The following KRT80 variants were observed in gnomAD, a reference collection of about 807,000 sequenced individuals.
KRT80 encodes the protein keratin 80.
A neutral mutation model predicts 51.5 loss-of-function variants in KRT80; 36 were observed. The ratio of observed to expected loss-of-function variants is 0.70; its 90% CI spans 0.54 to 0.92. The LOEUF (loss-of-function observed/expected upper bound fraction) is 0.92. Ranked by LOEUF, KRT80 falls within the 40% of genes least tolerant of loss-of-function variation. The pLI is 0.00. For synonymous variants in KRT80, 235 were observed against 248.3 expected, an observed-to-expected ratio of 0.95 and a Z score of 0.50; for missense variants, 566 against 591.7, an observed-to-expected ratio of 0.96 and a Z score of 0.45.
At position 52,173,724 on chromosome 12, in the gene KRT80, A is replaced by G; in HGVS notation, c.707T>C (p.Val236Ala). ...GCAGCGGCTGTCCATGCCGACGGTC[A>G]CCGACACATCCTTCACCTGTGCTGC... is the stretch of plus-strand genomic sequence containing the variant. ...DLAAQVKDVSVTVGMDSRCHI... is the reference protein window; with the variant it reads ...DLAAQVKDVSATVGMDSRCHI... The change falls in exon 5 of 9, where the codon GTG (valine) becomes GCG (alanine). Residue 236 changes from valine (V) to alanine (A), a missense_variant. Val to Ala is a moderately conservative substitution (Grantham distance 64). Transcript: ENST00000394815. The G allele has an allele frequency of 6.2e-7, 1 of 1,612,282 alleles. No individual in the cohort carries two copies. The highest frequency in any genetic ancestry group is 8.5e-7 in the Non-Finnish European group (1 of 1,180,006).
chr12:52,175,932 C>T (rs1941211189), intron 4 of KRT80, among the ~76,000 whole-genome samples: 1 of 152,152 alleles, frequency 6.6e-6, no homozygotes, highest in South Asian at 2.1e-4. Context: ...AGCTTTGAGG[C>T]TGTTTTGGTT....
chr12:52,171,805 G>T, intron 7 of KRT80, 92 bp from the exon 8 acceptor site: 2 of 883,398 alleles, frequency 2.3e-6, no homozygotes, highest in Non-Finnish European at 3.6e-6. Flanking sequence ...GGCAAGTGGA[G>T]GGTAGTTCTT....
At chr12:52,175,587 G>A (rs538025013) in intron 4 of KRT80, among the ~76,000 whole-genome samples, 1 of 152,206 alleles carries the variant, frequency 6.6e-6, no homozygotes, top group South Asian at 2.1e-4. Context: ...TCCGGGAACT[G>A]ACTCTGCCCA....
chr12:52,184,557 C>T (rs571121263), intron 2 of KRT80, among the ~76,000 whole-genome samples: 1 of 152,348 alleles, frequency 6.6e-6, no homozygotes, highest in South Asian at 2.1e-4. Context: ...CAACTTCCTC[C>T]TCAGGTTAGA....
At chr12:52,178,401 T>G (rs1941267821) in intron 4 of KRT80, among the ~76,000 whole-genome samples, 1 of 152,238 alleles carries the variant, frequency 6.6e-6, no homozygotes, top group Non-Finnish European at 1.5e-5. Flanking sequence ...TTCTTTCTTT[T>G]TCTTTAATCG....
intron 2 of KRT80, among the ~76,000 whole-genome samples, chr12:52,183,270 C>T (rs1217189212): frequency 6.6e-6 from 1 of 152,258 alleles, no homozygotes; most frequent in African/African-American, 2.4e-5. Flanking sequence ...TCCCAATCCT[C>T]TGCCAGTCTG....
At position 52,185,526 on chromosome 12, in the gene KRT80, T is replaced by C. The variant is rs769881217; in HGVS notation, c.362A>G (p.Gln121Arg). 6.8e-6 allele frequency: 11 copies of C among 1,613,394 alleles called. No homozygotes were observed. In the South Asian group the frequency reaches 1.2e-4, roughly 18 times the overall value. Residue 121 changes from glutamine (Q) to arginine (R), a missense_variant, in exon 2 of 9, where the codon CAG becomes CGG. Gln to Arg is a conservative substitution (Grantham distance 43). Transcript: ENST00000394815. ...CCCGAGGTCGAAGATGGCTGAGTCCTGGCCCTGCAGGAAGCTCCAGCGTGT... is the reference window on the plus strand; with the variant it reads ...CCCGAGGTCGAAGATGGCTGAGTCCCGGCCCTGCAGGAAGCTCCAGCGTGT... The part of the protein sequence containing the change: ...LETRWSFLQG[Q>R]DSAIFDLGHL...
intron 4 of KRT80, among the ~76,000 whole-genome samples, chr12:52,179,417 G>C (rs567425895): frequency 1.5e-4 from 23 of 152,336 alleles, no homozygotes; most frequent in South Asian, 1.5e-3. Context: ...TCAGGGCTGT[G>C]GGGAGAGCGG....
At chr12:52,181,371 C>T (rs1230822578) in intron 2 of KRT80, among the ~76,000 whole-genome samples, 1 of 152,196 alleles carries the variant, frequency 6.6e-6, no homozygotes, top group Non-Finnish European at 1.5e-5. Context: ...GCTCACACCT[C>T]ACCTCTCCCA....
At chr12:52,183,826 C>G (rs938379007) in intron 2 of KRT80, among the ~76,000 whole-genome samples, 4 of 152,238 alleles carry the variant, frequency 2.6e-5, no homozygotes, top group Non-Finnish European at 4.4e-5. Context: ...AGGACAAGCC[C>G]TGCCCTTTCA....
In KRT80 at chr12:52,171,390, C is replaced by T; in HGVS notation, c.*8G>A. ...GGAGTGCCCTGGGGTTCCTGGGGTCCAGCCGCCTTACTCTGAGACCTCCGA... is the reference window on the plus strand; with the variant it reads ...GGAGTGCCCTGGGGTTCCTGGGGTCTAGCCGCCTTACTCTGAGACCTCCGA... On this transcript the variant is annotated 3_prime_UTR_variant, in exon 9 of 9. Coordinates refer to ENST00000394815, the MANE Select transcript of KRT80 (RefSeq NM_182507.3). 1 of 1,568,042 alleles carries T rather than the reference C, an allele frequency of 6.4e-7. No homozygotes were observed. Among genetic ancestry groups the T allele is most frequent in the Non-Finnish European group, 8.6e-7 (1 of 1,157,138 alleles).
rs182194751 is a variant in KRT80 at position 52,176,284 on chromosome 12, C to T, written c.667-2520G>A. 5.9e-5 allele frequency among the ~76,000 whole-genome samples: 9 copies of T among 152,244 alleles called. No homozygotes were observed. In the East Asian group the frequency reaches 9.7e-4, roughly 16 times the overall value. On this transcript the variant is annotated intron_variant, in intron 4 of 8. Coordinates refer to ENST00000394815, the MANE Select transcript of KRT80 (RefSeq NM_182507.3). ...AATGGGATGGGACCCCTGGAGAGCA[C>T]GTGAGCCTCCAAATGGTTAAGAATT...
chr12:52,185,792 G>A, intron 1 of KRT80: 1 of 1,116,594 alleles, frequency 9.0e-7, no homozygotes, highest in Non-Finnish European at 1.2e-6. Flanking sequence ...CAGGATCAGA[G>A]CAAGGTGGAG....
chr12:52,174,112 A>G (rs1409239534), intron 4 of KRT80, among the ~76,000 whole-genome samples: 1 of 152,244 alleles, frequency 6.6e-6, no homozygotes, highest in Admixed American at 6.5e-5. Context: ...AAAGGGCCAG[A>G]GAAGTCAGGC....
chr12:52,174,936 G>A (rs1447375458), intron 4 of KRT80, among the ~76,000 whole-genome samples: 2 of 152,196 alleles, frequency 1.3e-5, no homozygotes, highest in African/African-American at 4.8e-5. Context: ...CTGTGGGAAG[G>A]AGGAGCAAGG....
intron 1 of KRT80, among the ~76,000 whole-genome samples, chr12:52,188,224 C>T (rs561317247): frequency 9.9e-5 from 15 of 152,274 alleles, no homozygotes; most frequent in East Asian, 3.9e-4. Flanking sequence ...GGAAGACTGC[C>T]GAGCCTTCAC....
rs776992101 is a variant in KRT80 at position 52,191,627 on chromosome 12, A to G, written c.276T>C (p.Asp92=). 9 of 1,594,666 alleles carry G rather than the reference A, an allele frequency of 5.6e-6. No individual in the cohort carries two copies. The highest frequency in any genetic ancestry group is 7.7e-6 in the Non-Finnish European group (9 of 1,166,814). Residue 92 remains aspartate, a synonymous_variant, in exon 1 of 9, where the codon GAT becomes GAC. Transcript: ENST00000394815. ...QEKEEMKALN[D]KFASLIGKVQ... ...CCTTGCCAATTAGGGAGGCAAATTT[A>G]TCATTGAGGGCCTTCATCTCCTCCT... is the stretch of plus-strand genomic sequence containing the variant.
At position 52,191,938 on chromosome 12, in the gene KRT80, G is replaced by T. The variant is rs376310800; in HGVS notation, c.-36C>A. 9.1e-6 allele frequency: 13 copies of T among 1,433,794 alleles called. No individual in the cohort carries two copies. Among genetic ancestry groups the T allele is most frequent in the South Asian group, 7.4e-5 (5 of 67,886 alleles). The allele number at this position is 1,433,794 out of a possible 1,614,324, so 88.8% of individuals were successfully genotyped here. A position where few individuals can be genotyped will look rare whatever the true frequency, so the allele number is the denominator to read the frequency against. Reference sequence around the variant, plus strand: ...GCCGGAAGCAGGAGGGCCCAGGGGGGTGAGCGAGTGAGCCTGGGGTTGCGT... The same window carrying T: ...GCCGGAAGCAGGAGGGCCCAGGGGGTTGAGCGAGTGAGCCTGGGGTTGCGT... On this transcript the variant is annotated 5_prime_UTR_variant, in exon 1 of 9. Transcript: ENST00000394815.
chr12:52,182,552 C>T (rs931372919), intron 2 of KRT80, among the ~76,000 whole-genome samples: 3 of 152,170 alleles, frequency 2.0e-5, no homozygotes, highest in Admixed American at 6.5e-5. Flanking sequence ...GTGCTTGCAG[C>T]GGGGGACAGC....
Sources: gnomAD v4.1 joint callset for allele counts (sites outside exome capture counted in the v4.1 genomes callset) on GRCh38, gnomAD v4.1.1 for gene constraint, MANE v1.5 for transcripts, NCBI Gene and HGNC (gene_info 2026-07-23, HGNC 2026-07-21) for gene names.